The following FAT3 variants were observed in gnomAD, a reference collection of about 807,000 sequenced individuals.
FAT3 encodes FAT atypical cadherin 3.
A neutral mutation model predicts 310.2 loss-of-function variants in FAT3; 95 were observed. The observed-to-expected ratio is 0.31, with a 90% CI of 0.26 to 0.36. FAT3 has a LOEUF of 0.36. Ranked by LOEUF, FAT3 falls within the 10% of genes least tolerant of loss-of-function variation. The probability of loss-of-function intolerance (pLI) is 1.00; values close to 1 mark genes in which losing one functional copy is unlikely to be tolerated. For synonymous variants in FAT3, 2,314 were observed against 2,192.9 expected, an observed-to-expected ratio of 1.06 and a Z score of -1.54; for missense variants, 5,408 against 5,715.6, an observed-to-expected ratio of 0.95 and a Z score of 1.74.
At chr11:92,366,830 C>T in intron 2 of FAT3, 1 of 534,786 alleles carries the variant, frequency 1.9e-6, no homozygotes, top group Non-Finnish European at 3.8e-6. Flanking sequence ...GTCTGCATAC[C>T]TGCCATCCTT....
chr11:92,778,659 T>G (rs1380141378), intron 7 of FAT3, among the ~76,000 whole-genome samples: 1 of 152,152 alleles, frequency 6.6e-6, no homozygotes, highest in African/African-American at 2.4e-5. Flanking sequence ...TTCAAATGGG[T>G]ATGTGATCTA....
rs1376654115 is a variant in FAT3 at position 92,354,038 on chromosome 11, T to C, written c.1926T>C (p.Ser642=). ...AGCTTAAAAAATCACTGACAAATTC[T>C]GGCATTAAAAATGGCAATTTTGCCC... The part of the protein sequence containing the change: ...VLQLKKSLTN[S]GIKNGNFALR... The change falls in exon 2 of 28, where the codon TCT becomes TCC. Residue 642 remains serine (S), a synonymous_variant. Transcript: ENST00000525166. 6.2e-7 allele frequency: 1 copy of C among 1,613,360 alleles called. No homozygotes were observed. Among genetic ancestry groups the C allele is most frequent in the Non-Finnish European group, 8.5e-7 (1 of 1,179,700 alleles).
At chr11:92,840,093 G>C (rs186491206) in intron 17 of FAT3, among the ~76,000 whole-genome samples, 22 of 152,288 alleles carry the variant, frequency 1.4e-4, no homozygotes, top group African/African-American at 5.3e-4. Flanking sequence ...GAAGTTGCCA[G>C]GATGTCCCCC....
intron 3 of FAT3, among the ~76,000 whole-genome samples, chr11:92,691,411 T>TA (rs1254778282): frequency 6.6e-6 from 1 of 152,252 alleles, no homozygotes; most frequent in East Asian, 1.9e-4. Flanking sequence ...TCTTTTTTTT[T>TA]AAAGAAAGAG....
At chr11:92,619,175 T>C (rs560887909) in intron 3 of FAT3, among the ~76,000 whole-genome samples, 2 of 152,322 alleles carry the variant, frequency 1.3e-5, no homozygotes, top group South Asian at 4.1e-4. Flanking sequence ...ACTTTGTATT[T>C]GTGGGAGAAA....
chr11:92,307,887 A>T (rs1041934169), intron 1 of FAT3, among the ~76,000 whole-genome samples: 8 of 152,144 alleles, frequency 5.3e-5, no homozygotes, highest in Admixed American at 4.6e-4. Context: ...TTAGTACCAC[A>T]TGGGAATTAG....
rs139731877 is a variant in FAT3, at chr11:92,353,306, A to C, written c.1194A>C (p.Val398=). ...CTCCTGGTGTCGTGGTTGCTATAGTAAAATTAAGTCCTGAACCGATAGATG... is the reference window on the plus strand; with the variant it reads ...CTCCTGGTGTCGTGGTTGCTATAGTCAAATTAAGTCCTGAACCGATAGATG... The part of the protein sequence containing the change: ...FSPPGVVVAI[V]KLSPEPIDVE... The change falls in exon 2 of 28, where the codon GTA becomes GTC. Residue 398 remains valine, a synonymous_variant. Transcript: ENST00000525166. 1.0e-3 allele frequency: 1,654 copies of C among 1,613,680 alleles called. 1 individual carries two copies. The highest frequency in any genetic ancestry group is 1.3e-3 in the Admixed American group (78 of 59,914).
intron 2 of FAT3, among the ~76,000 whole-genome samples, chr11:92,444,669 GGA>G (rs1491264481): frequency 9.0e-4 from 120 of 133,506 alleles, no homozygotes; most frequent in African/African-American, 3.0e-3. Context: ...TGGGGGGGGG[GGA>G]AAACATACAG....
chr11:92,629,150 T>C (rs902542355), intron 3 of FAT3, among the ~76,000 whole-genome samples: 2 of 152,232 alleles, frequency 1.3e-5, no homozygotes, highest in Non-Finnish European at 2.9e-5. Context: ...AACTAACTCA[T>C]AGTATACACT....
rs755655312 is a variant in FAT3 at position 92,800,469 on chromosome 11, G to A, written c.7456G>A (p.Val2486Ile). Residue 2486 changes from valine to isoleucine, a missense_variant, in exon 10 of 28, where the codon GTA (valine) becomes ATA (isoleucine). This residue lies in a region of FAT3 where 4,588 missense variants were observed against 4,809.8 expected (regional missense o/e 0.95). Coordinates refer to ENST00000525166, the MANE Select transcript of FAT3 (RefSeq NM_001367949.2). Reference protein sequence around the residue: ...FTSTAQVHIRVLGANLYSPAF... With the variant: ...FTSTAQVHIRILGANLYSPAF... ...CAGCACTGCACAGGTGCATATTAGGGTACTTGGGGCTAACTTGTACAGCCC... is the reference window on the plus strand; with the variant it reads ...CAGCACTGCACAGGTGCATATTAGGATACTTGGGGCTAACTTGTACAGCCC... 10 of 1,613,824 alleles carry A rather than the reference G, an allele frequency of 6.2e-6. No homozygotes were observed. The African/African-American group carries it at 8.0e-5, about 13-fold the overall frequency.
At chr11:92,339,309 C>G (rs2134573694) in intron 1 of FAT3, among the ~76,000 whole-genome samples, 1 of 152,220 alleles carries the variant, frequency 6.6e-6, no homozygotes, top group Middle Eastern at 3.4e-3. Context: ...CCATGGGGGT[C>G]AAAATTGCCC....
At chr11:92,467,168 A>G (rs1951785015) in intron 2 of FAT3, among the ~76,000 whole-genome samples, 1 of 152,118 alleles carries the variant, frequency 6.6e-6, no homozygotes, top group Non-Finnish European at 1.5e-5. Flanking sequence ...TGACTTCCAC[A>G]ATGGTTGAAC....
intron 2 of FAT3, among the ~76,000 whole-genome samples, chr11:92,473,810 A>C (rs913626789): frequency 1.4e-4 from 21 of 152,192 alleles, no homozygotes; most frequent in African/African-American, 4.6e-4. Flanking sequence ...TATTTTTCAC[A>C]TAGTTAAATG....
At position 92,798,695 on chromosome 11, in the gene FAT3, A is replaced by C; in HGVS notation, c.5682A>C (p.Leu1894=). 1 of 1,613,732 alleles carries C rather than the reference A, an allele frequency of 6.2e-7. No homozygotes were observed. The highest frequency in any genetic ancestry group is 8.5e-7 in the Non-Finnish European group (1 of 1,179,826). The change falls in exon 10 of 28, where the codon CTA becomes CTC. Residue 1894 remains leucine (L), a synonymous_variant. Coordinates refer to ENST00000525166, the MANE Select transcript of FAT3 (RefSeq NM_001367949.2). ...TQAVFETILL[L]PTYVGVEVLK... is the part of the protein sequence containing the mutation. ...CTGTGTTTGAGACTATCTTACTTCT[A>C]CCTACCTATGTTGGAGTGGAGGTTC...
At chr11:92,332,087 AG>A (rs1454248905) in intron 1 of FAT3, among the ~76,000 whole-genome samples, 3 of 152,184 alleles carry the variant, frequency 2.0e-5, no homozygotes, top group Non-Finnish European at 2.9e-5. Context: ...GCAGGTAGGG[AG>A]GGGGCTCCTG....
At chr11:92,388,956 T>G (rs1457490411) in intron 2 of FAT3, among the ~76,000 whole-genome samples, 3 of 152,196 alleles carry the variant, frequency 2.0e-5, no homozygotes, top group Non-Finnish European at 4.4e-5. Flanking sequence ...GTTGCTTGGC[T>G]TTCTATGGCA....
At position 92,335,247 on chromosome 11, in the gene FAT3, A is replaced by G. The variant is rs189532583; in HGVS notation, c.-17-16849A>G. On this transcript the variant is annotated intron_variant, in intron 1 of 27. Transcript: ENST00000525166. ...AAAAAAGGAAAAATAATCCCCACCT[A>G]TCTTTCCCTCCTGACTTAGACACCG... Among the ~76,000 whole-genome samples the G allele has an allele frequency of 5.3e-5, 8 of 151,494 alleles. No homozygotes were observed. The East Asian group carries it at 1.2e-3, about 22-fold the overall frequency.
intron 3 of FAT3, among the ~76,000 whole-genome samples, chr11:92,647,901 A>T (rs1942224842): frequency 6.6e-6 from 1 of 152,128 alleles, no homozygotes; most frequent in African/African-American, 2.4e-5. Context: ...ATCAAGCAGA[A>T]TATGTGCCTG....
intron 1 of FAT3, among the ~76,000 whole-genome samples, chr11:92,298,519 T>C (rs1834953040): frequency 6.6e-6 from 1 of 152,148 alleles, no homozygotes; most frequent in Non-Finnish European, 1.5e-5. Flanking sequence ...TATTAGATCA[T>C]TATGAAGTAA....
Sources: gnomAD v4.1 joint callset for allele counts (sites outside exome capture counted in the v4.1 genomes callset) on GRCh38, gnomAD v4.1.1 for gene constraint, gnomAD v4.1.1 regional missense constraint, MANE v1.5 for transcripts, NCBI Gene and HGNC (gene_info 2026-07-23, HGNC 2026-07-21) for gene names.